Variants in CNTNAP2 observed in about 807,000 individuals in gnomAD.
CNTNAP2 encodes contactin-associated protein-like 2.
Under a neutral mutation model 155.2 loss-of-function variants are expected in CNTNAP2, and 98 were observed. The ratio of observed to expected loss-of-function variants is 0.63; its 90% CI spans 0.54 to 0.75. CNTNAP2 has a LOEUF of 0.75. Among genes scored for constraint, CNTNAP2 ranks in the 30% least tolerant of loss-of-function variants. The pLI, the probability that CNTNAP2 is intolerant of heterozygous loss-of-function variation, is 0.00. For missense variants in CNTNAP2, 1,727 were observed against 1,688.1 expected (o/e 1.02, Z -0.40); for synonymous variants, 651 against 631.2 (o/e 1.03, Z -0.47).
chr7:147,561,130 T>C (rs149621621), intron 11 of CNTNAP2, among the ~76,000 whole-genome samples: 53 of 152,224 alleles, frequency 3.5e-4, no homozygotes, highest in Middle Eastern at 3.4e-3. Flanking sequence ...TCTAGGACCA[T>C]GCAATTATTT....
At chr7:147,809,955 C>T (rs1019808737) in intron 13 of CNTNAP2, among the ~76,000 whole-genome samples, 14 of 152,138 alleles carry the variant, frequency 9.2e-5, no homozygotes, top group African/African-American at 3.4e-4. Flanking sequence ...TTGAGTTTTA[C>T]TGGAAACTGC....
At chr7:146,841,080 A>G (rs1803712138) in intron 3 of CNTNAP2, among the ~76,000 whole-genome samples, 1 of 152,224 alleles carries the variant, frequency 6.6e-6, no homozygotes, top group Admixed American at 6.5e-5. Context: ...CTGAATACAC[A>G]GTAGAATTAG....
At chr7:147,566,367 G>A (rs1161051297) in intron 12 of CNTNAP2, among the ~76,000 whole-genome samples, 3 of 126,490 alleles carry the variant, frequency 2.4e-5, no homozygotes, top group African/African-American at 8.8e-5. Context: ...GGAGGGGGAA[G>A]GGGAGAAGGG....
intron 3 of CNTNAP2, among the ~76,000 whole-genome samples, chr7:146,944,093 C>T (rs1415907358): frequency 6.6e-6 from 1 of 151,734 alleles, no homozygotes; most frequent in Non-Finnish European, 1.5e-5. Context: ...ACTTTTCATA[C>T]TAGATTTGTG....
intron 9 of CNTNAP2, among the ~76,000 whole-genome samples, chr7:147,324,809 CTATT>C (rs1795421682): frequency 6.6e-6 from 1 of 151,640 alleles, no homozygotes; most frequent in Non-Finnish European, 1.5e-5. Flanking sequence ...TTTAAGTACT[CTATT>C]AATTTTCATT....
intron 8 of CNTNAP2, among the ~76,000 whole-genome samples, chr7:147,158,891 C>CA (rs1011444475): frequency 2.0e-5 from 3 of 151,910 alleles, no homozygotes; most frequent in Non-Finnish European, 2.9e-5. Context: ...AGATCTCAAA[C>CA]AAAAAATTAC....
chr7:147,217,607 G>C (rs1032727283), intron 8 of CNTNAP2, among the ~76,000 whole-genome samples: 6 of 151,874 alleles, frequency 4.0e-5, no homozygotes, highest in Admixed American at 3.9e-4. Flanking sequence ...ATTGGTCATA[G>C]TTTTCTTCTA....
chr7:148,060,777 C>A (rs367716045), intron 15 of CNTNAP2, among the ~76,000 whole-genome samples: 3 of 152,230 alleles, frequency 2.0e-5, no homozygotes, highest in African/African-American at 7.2e-5. Context: ...AGATCCTCAG[C>A]GCTGTTGGTT....
chr7:146,305,346 A>C (rs1327252077), intron 1 of CNTNAP2, among the ~76,000 whole-genome samples: 1 of 152,170 alleles, frequency 6.6e-6, no homozygotes, highest in Non-Finnish European at 1.5e-5. Context: ...TTGGAGGAGA[A>C]GAGGCGCTCT....
At position 146,661,772 on chromosome 7, in the gene CNTNAP2, A is replaced by G. The variant is rs1800094203; in HGVS notation, c.98-112499A>G. ...ATAAAGCTGCAATAAGCTTCCATGT[A>G]CAGATCATTGTGTAGGCACATGTAT... On this transcript the variant is annotated intron_variant, in intron 1 of 23. Transcript: ENST00000361727. Among the ~76,000 whole-genome samples, 3 of 149,044 alleles carry G rather than the reference A, an allele frequency of 2.0e-5. No homozygotes were observed. The South Asian group carries it at 6.3e-4, about 31-fold the overall frequency.
intron 16 of CNTNAP2, among the ~76,000 whole-genome samples, chr7:148,145,357 T>C (rs957539003): frequency 3.3e-5 from 5 of 152,190 alleles, no homozygotes; most frequent in South Asian, 2.1e-4. Flanking sequence ...AAAGTATAGA[T>C]ATTTTCTAGC....
chr7:147,401,604 C>T (rs1256919600), intron 10 of CNTNAP2, among the ~76,000 whole-genome samples: 1 of 152,090 alleles, frequency 6.6e-6, no homozygotes, highest in Non-Finnish European at 1.5e-5. Flanking sequence ...CTCTGTATCC[C>T]CACCCAAATC....
intron 1 of CNTNAP2, among the ~76,000 whole-genome samples, chr7:146,118,676 G>A (rs1797520978): frequency 6.6e-6 from 1 of 152,056 alleles, no homozygotes; most frequent in African/African-American, 2.4e-5. Flanking sequence ...ATGGAACACT[G>A]GCAGCCCTTG....
At chr7:147,503,786 T>C (rs936489066) in intron 11 of CNTNAP2, among the ~76,000 whole-genome samples, 5 of 152,222 alleles carry the variant, frequency 3.3e-5, no homozygotes, top group African/African-American at 1.2e-4. Context: ...CCACAGTTTT[T>C]TCTCCCAGAA....
chr7:146,568,586 T>G (rs1798393309), intron 1 of CNTNAP2, among the ~76,000 whole-genome samples: 1 of 152,226 alleles, frequency 6.6e-6, no homozygotes, highest in Non-Finnish European at 1.5e-5. Context: ...GTTTAAAATC[T>G]TTCTCTTATT....
rs1064796071 is a variant in CNTNAP2, at chr7:147,395,760, CAT to C, written c.1651_1652del (p.Met551ValfsTer13). On this transcript the variant is annotated frameshift_variant, in exon 10 of 24. Coordinates refer to ENST00000361727, the MANE Select transcript of CNTNAP2 (RefSeq NM_014141.6). LOFTEE classifies it high-confidence loss of function. ...GAAGTTTCGCGAATGTCAGCATTGA[CAT>C]GTGTGCGATCATAGACAGGTAAATG... is the stretch of plus-strand genomic sequence containing the variant. ...PGSFANVSID[M>X]CAIIDRCVPN... 6.2e-6 allele frequency: 10 copies of C among 1,612,324 alleles called. No homozygotes were observed. The highest frequency in any genetic ancestry group is 7.6e-6 in the Non-Finnish European group (9 of 1,178,708).
rs143877237 is a variant in CNTNAP2, at chr7:148,396,663, T to C, written c.3716-12728T>C. ...CATGCTTTTCAGAGAAAAGTCCTTT[T>C]ATAAATACCAATAACTAAACATGAT... On this transcript the variant is annotated intron_variant, in intron 22 of 23. Coordinates refer to ENST00000361727, the MANE Select transcript of CNTNAP2 (RefSeq NM_014141.6). Among the ~76,000 whole-genome samples the C allele has an allele frequency of 1.6e-3, 242 of 152,350 alleles. 3 individuals carry two copies. The highest frequency in any genetic ancestry group is 0.014 in the Admixed American group (211 of 15,298).
intron 3 of CNTNAP2, among the ~76,000 whole-genome samples, chr7:147,037,461 T>C (rs1799175655): frequency 1.4e-5 from 2 of 147,718 alleles, no homozygotes; most frequent in South Asian, 2.1e-4. Context: ...TTCCCTTTTT[T>C]TTTTTTTTTT....
intron 1 of CNTNAP2, among the ~76,000 whole-genome samples, chr7:146,241,233 T>C (rs895739679): frequency 1.3e-5 from 2 of 152,156 alleles, no homozygotes; most frequent in African/African-American, 4.8e-5. Context: ...AGGTAAGGCA[T>C]TTAGATATAT....
Sources: allele counts gnomAD v4.1 joint callset (sites outside exome capture counted in the v4.1 genomes callset), GRCh38; gene constraint gnomAD v4.1.1; transcripts MANE v1.5; gene names NCBI Gene and HGNC (gene_info 2026-07-23, HGNC 2026-07-21).